TXLNB: variants seen among roughly 807,000 people sequenced by gnomAD.
TXLNB encodes beta-taxilin.
A neutral mutation model predicts 57.4 loss-of-function variants in TXLNB; 37 were observed. The ratio of observed to expected loss-of-function variants is 0.64; its 90% confidence interval spans 0.50 to 0.85. TXLNB has a LOEUF of 0.85. Ranked by LOEUF, TXLNB falls within the 40% of genes least tolerant of loss-of-function variation. TXLNB has a pLI of 0.00. For synonymous variants in TXLNB, 302 were observed against 309.6 expected (o/e 0.98, Z 0.26); for missense variants, 848 against 825.6 (o/e 1.03, Z -0.33).
At chr6:139,276,678 G>A (rs749283964) in intron 3 of TXLNB, 152 bp downstream of exon 3, 13 of 608,296 alleles carry the variant, frequency 2.1e-5, no homozygotes, top group Non-Finnish European at 3.4e-5. Flanking sequence ...CATCTTAGCT[G>A]TGGGTCTCAT....
intron 2 of TXLNB, among the ~76,000 whole-genome samples, chr6:139,284,793 T>C (rs1250924150): frequency 1.4e-5 from 2 of 145,936 alleles, no homozygotes; most frequent in Non-Finnish European, 3.1e-5. Context: ...AAACCATTAG[T>C]CTAGACGATA....
the TXLNB span, among the ~76,000 whole-genome samples, chr6:139,213,897 C>G: frequency 6.6e-6 from 1 of 152,026 alleles, no homozygotes; most frequent in African/African-American, 2.4e-5. Flanking sequence ...ATAAATTCCT[C>G]GACACATACA....
At chr6:139,301,412 A>G in the TXLNB span, among the ~76,000 whole-genome samples, 2 of 152,210 alleles carry the variant, frequency 1.3e-5, no homozygotes, top group Non-Finnish European at 1.5e-5. Flanking sequence ...TACTGGTGAC[A>G]TGAGTGTGTG....
chr6:139,307,947 G>A, the TXLNB span, among the ~76,000 whole-genome samples: 1 of 151,868 alleles, frequency 6.6e-6, no homozygotes, highest in African/African-American at 2.4e-5. Flanking sequence ...AGTGGAAGTG[G>A]GTTGACACTT....
chr6:139,199,126 G>T, the TXLNB span, among the ~76,000 whole-genome samples: 1 of 152,038 alleles, frequency 6.6e-6, no homozygotes, highest in African/African-American at 2.4e-5. Context: ...CATGTTGTTA[G>T]AAAAATATCT....
chr6:139,275,000 GCAATA>G (rs1213332100), intron 3 of TXLNB, among the ~76,000 whole-genome samples: 1 of 152,116 alleles, frequency 6.6e-6, no homozygotes, highest in Non-Finnish European at 1.5e-5. Context: ...AATAGCCAAT[GCAATA>G]CAAGTTGCAA....
At position 139,285,350 on chromosome 6, in the gene TXLNB, T is replaced by A. The variant is rs1583029270; in HGVS notation, c.424+3126A>T. ...TTTTAGGGTGATTGAAAAATAACTT[T>A]TCTGGTTAGGAACACTTGAAGTTGC... On this transcript the variant is annotated intron_variant, in intron 2 of 9. Transcript: ENST00000358430. Among the ~76,000 whole-genome samples the A allele has an allele frequency of 4.9e-5, 7 of 143,068 alleles. 2 individuals carry two copies. The Middle Eastern group carries it at 0.025, about 518-fold the overall frequency. 93.9% of individuals were successfully genotyped at this position (143,068 alleles called of 152,430 possible). A position where few individuals can be genotyped will look rare whatever the true frequency, so the allele number is the denominator to read the frequency against.
At chr6:139,277,969 C>G (rs1335569510) in intron 2 of TXLNB, among the ~76,000 whole-genome samples, 1 of 152,124 alleles carries the variant, frequency 6.6e-6, no homozygotes, top group Non-Finnish European at 1.5e-5. Flanking sequence ...ATTAGGATTG[C>G]CAGATGAAAT....
In TXLNB at chr6:139,243,038, ACT is replaced by A. The variant is rs1775987067; in HGVS notation, c.1541_1542del (p.Glu514ValfsTer21). ...ATAFMIIHHPESTPHQSKETQ... is the reference protein window; with the variant it reads ...ATAFMIIHHPXSTPHQSKETQ... Reference sequence around the variant, plus strand: ...GTTTCTTTGGACTGGTGCGGGGTTGACTCTGGATGATGAATTATCATGAAGGC... The same window carrying A: ...GTTTCTTTGGACTGGTGCGGGGTTGACTGGATGATGAATTATCATGAAGGC... On this transcript the variant is annotated frameshift_variant, in exon 10 of 10. Coordinates refer to ENST00000358430, the MANE Select transcript of TXLNB (RefSeq NM_153235.4). LOFTEE classifies it low-confidence loss of function (END_TRUNC). The A allele has an allele frequency of 6.2e-7, 1 of 1,613,446 alleles. No individual in the cohort carries two copies. The highest frequency in any genetic ancestry group is 1.3e-5 in the African/African-American group (1 of 74,760).
the TXLNB span, among the ~76,000 whole-genome samples, chr6:139,303,261 G>A: frequency 2.0e-5 from 3 of 152,084 alleles, no homozygotes. Flanking sequence ...TCCATGTAAT[G>A]TTACTCGCTT....
At chr6:139,185,844 T>TA in the TXLNB span, among the ~76,000 whole-genome samples, 24 of 152,236 alleles carry the variant, frequency 1.6e-4, no homozygotes, top group African/African-American at 4.8e-4. Context: ...TTGCCTATCT[T>TA]ACTTATCCTT....
At chr6:139,160,156 C>T in the TXLNB span, among the ~76,000 whole-genome samples, 257 of 152,248 alleles carry the variant, frequency 1.7e-3, no homozygotes, top group Non-Finnish European at 4.3e-4. Context: ...ATCACATGAA[C>T]CCTGTTTATT....
chr6:139,237,162 A>C (rs1775844639), downstream of TXLNB, among the ~76,000 whole-genome samples: 1 of 152,108 alleles, frequency 6.6e-6, no homozygotes, highest in South Asian at 2.1e-4. Flanking sequence ...CTTACCCTCT[A>C]TATAATAGCT....
the TXLNB span, chr6:139,167,350 GCTTT>G: frequency 2.0e-6 from 3 of 1,497,290 alleles, no homozygotes; most frequent in African/African-American, 1.4e-5. Context: ...CACCTTGCCT[GCTTT>G]CTGTTTGTTA....
chr6:139,301,783 AC>A, the TXLNB span, among the ~76,000 whole-genome samples: 3 of 151,504 alleles, frequency 2.0e-5, no homozygotes, highest in East Asian at 3.9e-4. Flanking sequence ...ACTAATCCCC[AC>A]CCCCCTGACC....
chr6:139,182,644 G>C, the TXLNB span, among the ~76,000 whole-genome samples: 2 of 152,140 alleles, frequency 1.3e-5, no homozygotes, highest in Non-Finnish European at 2.9e-5. Flanking sequence ...TCTGCAGTGA[G>C]GTAAACCTTA....
chr6:139,316,458 A>AT, the TXLNB span, among the ~76,000 whole-genome samples: 778 of 150,144 alleles, frequency 5.2e-3, 8 homozygotes, highest in Middle Eastern at 0.024. Context: ...TCTGCTAGTA[A>AT]TTTTTTTTTT....
intron 1 of TXLNB, among the ~76,000 whole-genome samples, chr6:139,291,411 T>C: frequency 6.6e-6 from 1 of 152,242 alleles, no homozygotes; most frequent in East Asian, 1.9e-4. Flanking sequence ...TTAGTCTAAA[T>C]GCAAGTGGCT....
chr6:139,257,510 C>A (rs761501301), intron 6 of TXLNB, among the ~76,000 whole-genome samples: 1 of 152,194 alleles, frequency 6.6e-6, no homozygotes, highest in Non-Finnish European at 1.5e-5. Flanking sequence ...CTCCACCTTA[C>A]TAAACTGGGG....
Sources: gnomAD v4.1 joint callset for allele counts (sites outside exome capture counted in the v4.1 genomes callset) on GRCh38, gnomAD v4.1.1 for gene constraint, MANE v1.5 for transcripts, NCBI Gene and HGNC (gene_info 2026-07-23, HGNC 2026-07-21) for gene names.